The following TEX2 variants were observed in gnomAD, a reference collection of about 807,000 sequenced individuals.
The protein encoded by TEX2 is testis expressed 2.
Under a neutral mutation model 106.9 loss-of-function variants are expected in TEX2, and 53 were observed. The ratio of observed to expected loss-of-function variants is 0.50; its 90% confidence interval spans 0.40 to 0.62. The LOEUF is 0.62. TEX2 is among the 20% of genes least tolerant of loss of function. The probability of loss-of-function intolerance (pLI) is 0.00; values close to 1 mark genes in which losing one functional copy is unlikely to be tolerated. For synonymous variants in TEX2, 523 were observed against 534.8 expected, an observed-to-expected ratio of 0.98 and a Z score of 0.30; for missense variants, 1,207 against 1,379.0, an observed-to-expected ratio of 0.88 and a Z score of 1.98.
At chr17:64,173,055 G>T (rs2031477875) in intron 6 of TEX2, among the ~76,000 whole-genome samples, 1 of 152,018 alleles carries the variant, frequency 6.6e-6, no homozygotes, top group South Asian at 2.1e-4. Context: ...CCAAATGGTT[G>T]GTCAGCAATC....
rs932387300 is a variant in TEX2, at chr17:64,217,887, C to T, written c.-25-3645G>A. Among the ~76,000 whole-genome samples, 5 of 152,126 alleles carry T rather than the reference C, an allele frequency of 3.3e-5. No homozygotes were observed. Among genetic ancestry groups the T allele is most frequent in the African/African-American group, 9.7e-5 (4 of 41,420 alleles). On this transcript the variant is annotated intron_variant, in intron 1 of 11. Transcript: ENST00000584379. This position sits in a 1 kb window ranked among gnomAD's most constrained non-coding sequence, Gnocchi z 4.3. Reference sequence around the variant, plus strand: ...CGCCAGGCTCCCATAGGTATGATTTCGTGCTGGAGAGGTGTTTAAGCAAAA... The same window carrying T: ...CGCCAGGCTCCCATAGGTATGATTTTGTGCTGGAGAGGTGTTTAAGCAAAA...
At chr17:64,234,895 T>C (rs1555634951) in intron 1 of TEX2, among the ~76,000 whole-genome samples, 2 of 152,256 alleles carry the variant, frequency 1.3e-5, no homozygotes, top group African/African-American at 4.8e-5. Flanking sequence ...ACAGGTATTT[T>C]TTTTTTCCTC....
intron 4 of TEX2, 114 bp from the exon 5 acceptor site, chr17:64,188,529 A>G: frequency 1.3e-6 from 2 of 1,513,090 alleles, no homozygotes; most frequent in Non-Finnish European, 1.8e-6. Context: ...AAAAATATTT[A>G]TAAGGGGCTG....
At chr17:64,259,620 A>G (rs1555638272) in intron 1 of TEX2, among the ~76,000 whole-genome samples, 1 of 152,212 alleles carries the variant, frequency 6.6e-6, no homozygotes, top group Non-Finnish European at 1.5e-5. Flanking sequence ...TCCTCCAGCC[A>G]CAAACCATGG....
chr17:64,230,881 G>T (rs1369224367), intron 1 of TEX2: 1 of 152,210 alleles, frequency 6.6e-6, no homozygotes, highest in Non-Finnish European at 1.5e-5. Context: ...AACTGTTAAA[G>T]TCAAGGAAAG....
chr17:64,242,926 A>C (rs2033915180), intron 1 of TEX2, among the ~76,000 whole-genome samples: 1 of 151,872 alleles, frequency 6.6e-6, no homozygotes, highest in Non-Finnish European at 1.5e-5. Flanking sequence ...CTCTAAAAAA[A>C]AAAAATTTTT....
At chr17:64,202,018 G>A (rs1449430178) in intron 2 of TEX2, among the ~76,000 whole-genome samples, 1 of 152,164 alleles carries the variant, frequency 6.6e-6, no homozygotes, top group Non-Finnish European at 1.5e-5. Flanking sequence ...AGAAGCTGAC[G>A]CCCTAATAAG....
chr17:64,173,233 T>TTTA (rs2143751062), intron 6 of TEX2, among the ~76,000 whole-genome samples: 1 of 152,330 alleles, frequency 6.6e-6, no homozygotes, highest in East Asian at 1.9e-4. Flanking sequence ...CACTTTTAAC[T>TTTA]TTATAATATA....
intron 1 of TEX2, among the ~76,000 whole-genome samples, chr17:64,235,480 T>C (rs1555635036): frequency 2.6e-5 from 4 of 152,168 alleles, no homozygotes; most frequent in African/African-American, 7.2e-5. Flanking sequence ...GGAACATCAA[T>C]TCTGGGGGAC....
intron 8 of TEX2, among the ~76,000 whole-genome samples, chr17:64,158,326 C>T (rs1277043581): frequency 6.6e-6 from 1 of 152,206 alleles, no homozygotes; most frequent in Non-Finnish European, 1.5e-5. Flanking sequence ...CACACTTGAA[C>T]AGGGACTGAG....
At chr17:64,175,691 CT>C (rs1408735407) in intron 6 of TEX2, among the ~76,000 whole-genome samples, 10 of 152,206 alleles carry the variant, frequency 6.6e-5, no homozygotes, top group African/African-American at 2.4e-4. Context: ...ATCCTCTTGC[CT>C]CTGCAACCCA....
At chr17:64,238,549 G>T (rs2033819334) in intron 1 of TEX2, among the ~76,000 whole-genome samples, 1 of 152,218 alleles carries the variant, frequency 6.6e-6, no homozygotes, top group Admixed American at 6.5e-5. Flanking sequence ...ACATGGCCGG[G>T]AGGCCTCGGG....
At chr17:64,233,188 C>A (rs1219902301) in intron 1 of TEX2, among the ~76,000 whole-genome samples, 1 of 152,144 alleles carries the variant, frequency 6.6e-6, no homozygotes, top group Non-Finnish European at 1.5e-5. Context: ...CACCCCCAAA[C>A]ACACACACAT....
At position 64,195,139 on chromosome 17, in the gene TEX2, A is replaced by C; in HGVS notation, c.1645-44T>G. Reference sequence around the variant, plus strand: ...CATTAGTAATATCAGAATAATCGCAAATCTGATTTAGTGTGAAATGATGAA... The same window carrying C: ...CATTAGTAATATCAGAATAATCGCACATCTGATTTAGTGTGAAATGATGAA... On this transcript the variant is annotated intron_variant, in intron 2 of 11. Coordinates refer to ENST00000584379, the MANE Select transcript of TEX2 (RefSeq NM_001288732.2). This position sits in a 1 kb window ranked among gnomAD's most constrained non-coding sequence, Gnocchi z 4.1. The C allele has an allele frequency of 6.4e-7, 1 of 1,574,554 alleles. No individual in the cohort carries two copies.
At chr17:64,243,357 A>T (rs937298798) in intron 1 of TEX2, among the ~76,000 whole-genome samples, 1 of 152,252 alleles carries the variant, frequency 6.6e-6, no homozygotes, top group African/African-American at 2.4e-5. Flanking sequence ...CAGGAAAATG[A>T]ATACAGAGTT....
At chr17:64,191,493 A>G (rs2032294072) in intron 4 of TEX2, among the ~76,000 whole-genome samples, 1 of 152,166 alleles carries the variant, frequency 6.6e-6, no homozygotes, top group Non-Finnish European at 1.5e-5. Flanking sequence ...CACATAAACA[A>G]TTTTAAATTT....
Position 64,193,731 on chromosome 17 carries a change from AG to A in TEX2, c.2003del (p.Pro668LeufsTer43). ...EKPPAEGSEDPKKPPRPQEGT... is the reference protein window; with the variant it reads ...EKPPAEGSEDXKKPPRPQEGT... ...CCTCCTGAGGGCGGGGTGGCTTCTT[AG>A]GGTCCTCACTTCCCTCAGCTGGCGG... On this transcript the variant is annotated frameshift_variant, in exon 4 of 12. Coordinates refer to ENST00000584379, the MANE Select transcript of TEX2 (RefSeq NM_001288732.2). LOFTEE classifies it high-confidence loss of function. The A allele has an allele frequency of 6.2e-7, 1 of 1,613,524 alleles. No homozygotes were observed. The highest frequency in any genetic ancestry group is 8.5e-7 in the Non-Finnish European group (1 of 1,179,682).
rs112030007 is a variant in TEX2, at chr17:64,171,101, T to G, written c.2670A>C (p.Gln890His). 1,021 of 1,613,488 alleles carry G rather than the reference T, an allele frequency of 6.3e-4. 6 individuals carry two copies. In the African/African-American group the frequency reaches 0.012, roughly 20 times the overall value. The change falls in exon 7 of 12, where the codon CAA (glutamine) becomes CAC (histidine). Residue 890 changes from glutamine to histidine, a missense_variant and splice_region_variant. Physicochemically the swap from Gln to His is conservative, Grantham distance 24. This residue lies in a region of TEX2 where 1,067 missense variants were observed against 1,193.6 expected (regional missense o/e 0.89). Transcript: ENST00000584379. Reference protein sequence around the residue: ...LQAFKPYVDHQGLWIDLEMSY... With the variant: ...LQAFKPYVDHHGLWIDLEMSY... The stretch of plus-strand genomic sequence containing the variant: ...ATAGAATGGTCAGTTAGGAGTTACC[T>G]TGGTGATCAACGTAAGGCTTGAAGG...
rs536772369 is a variant in TEX2 at position 64,151,104 on chromosome 17, C to A, written c.3141-143G>T. On this transcript the variant is annotated intron_variant, in intron 10 of 11. Transcript: ENST00000584379. Reference sequence around the variant, plus strand: ...TCTGAAAATGCCCTCTAAAAATATTCCACACACAAAGTATGAATTGTGAAC... The same window carrying A: ...TCTGAAAATGCCCTCTAAAAATATTACACACACAAAGTATGAATTGTGAAC... 9.0e-5 allele frequency: 89 copies of A among 986,010 alleles called. No homozygotes were observed. The African/African-American group carries it at 1.4e-3, about 15-fold the overall frequency. 61.1% of individuals were successfully genotyped at this position (986,010 alleles called of 1,614,324 possible). A position where few individuals can be genotyped will look rare whatever the true frequency, so the allele number is the denominator to read the frequency against.
Sources: allele counts gnomAD v4.1 joint callset (sites outside exome capture counted in the v4.1 genomes callset), GRCh38; gene constraint gnomAD v4.1.1; regional missense constraint gnomAD v4.1.1; non-coding constraint Gnocchi (gnomAD v3.1); transcripts MANE v1.5; gene names NCBI Gene and HGNC (gene_info 2026-07-23, HGNC 2026-07-21).